Variants in BANP observed in about 807,000 individuals in gnomAD.
BANP encodes protein BANP.
In BANP, 11 loss-of-function variants were observed where a neutral mutation model predicts 68.1. That is an observed-to-expected ratio of 0.16 (90% CI 0.10 to 0.27). The LOEUF is 0.27. Among genes scored for constraint, BANP ranks in the 10% least tolerant of loss-of-function variants. The pLI is 1.00. For synonymous variants in BANP, 329 were observed against 303.2 expected, an observed-to-expected ratio of 1.09 and a Z score of -0.88; for missense variants, 504 against 722.7, an observed-to-expected ratio of 0.70 and a Z score of 3.47.
At chr16:87,998,670 A>G (rs1442288355) in intron 4 of BANP, among the ~76,000 whole-genome samples, 2 of 144,442 alleles carry the variant, frequency 1.4e-5, no homozygotes, top group Admixed American at 1.4e-4. Flanking sequence ...ATCTCCATGC[A>G]TGCACGTGCG....
intron 4 of BANP, among the ~76,000 whole-genome samples, chr16:87,997,080 C>G (rs572855709): frequency 6.6e-6 from 1 of 152,264 alleles, no homozygotes; most frequent in Non-Finnish European, 1.5e-5. Flanking sequence ...TGGAAGGCCA[C>G]TTTATAAGCT....
chr16:88,018,490 G>T lies in BANP; in HGVS notation c.718G>T (p.Ala240Ser). Residue 240 changes from alanine to serine, a missense_variant, in exon 7 of 14, where the codon GCC (alanine) becomes TCC (serine). Around this residue, in one of 3 missense-constraint regions of BANP, gnomAD observed 43 missense variants for 197.7 expected, o/e 0.22. Transcript: ENST00000682872. This position sits in a 1 kb window ranked among gnomAD's most constrained non-coding sequence, Gnocchi z 7.7. The part of the protein sequence containing the change: ...ENNPEMRVRC[A>S]IIPSDMLHIS... ...CAACCCCGAGATGCGGGTACGCTGC[G>T]CCATCATCCCCTCCGACATGCTGCA... 1 of 1,613,384 alleles carries T rather than the reference G, an allele frequency of 6.2e-7. No homozygotes were observed. Among genetic ancestry groups the T allele is most frequent in the Non-Finnish European group, 8.5e-7 (1 of 1,179,998 alleles).
At chr16:87,980,226 C>T (rs536188074) in intron 2 of BANP, among the ~76,000 whole-genome samples, 1 of 152,310 alleles carries the variant, frequency 6.6e-6, no homozygotes, top group Non-Finnish European at 1.5e-5. Context: ...CTATCTATAA[C>T]TGCAAATGTG....
chr16:88,038,259 A>T (rs1412742013), intron 11 of BANP, among the ~76,000 whole-genome samples: 1 of 152,140 alleles, frequency 6.6e-6, no homozygotes, highest in African/African-American at 2.4e-5. Context: ...CCTCTCACAT[A>T]CAGGCCATGG....
chr16:88,048,126 A>G (rs1016317245), intron 11 of BANP, among the ~76,000 whole-genome samples: 5 of 152,236 alleles, frequency 3.3e-5, no homozygotes, highest in Non-Finnish European at 5.9e-5. Context: ...CAATTTGGAC[A>G]CTGAAATATG....
chr16:87,963,002 T>G (rs1165421682), intron 1 of BANP, among the ~76,000 whole-genome samples: 1 of 152,224 alleles, frequency 6.6e-6, no homozygotes, highest in African/African-American at 2.4e-5. Context: ...ATGGAATGAT[T>G]AATTTCTTAG....
chr16:88,008,283 G>A (rs1015351528), intron 6 of BANP, among the ~76,000 whole-genome samples: 5 of 152,310 alleles, frequency 3.3e-5, no homozygotes, highest in Admixed American at 6.5e-5. Context: ...TGCTGTGAAC[G>A]TTGAGGTGCA....
chr16:88,074,219 C>G (rs879293334), intron 13 of BANP, among the ~76,000 whole-genome samples: 6 of 152,214 alleles, frequency 3.9e-5, no homozygotes, highest in Non-Finnish European at 7.3e-5. Flanking sequence ...GCCCCCACCC[C>G]AGTCATGCTT....
At position 88,053,822 on chromosome 16, in the gene BANP, C is replaced by T. The variant is rs147849948; in HGVS notation, c.1312-11445C>T. Among the ~76,000 whole-genome samples, 764 of 148,738 alleles carry T rather than the reference C, an allele frequency of 5.1e-3. 21 individuals are homozygous for T. The highest frequency in any genetic ancestry group is 0.018 in the African/African-American group (699 of 39,678). On this transcript the variant is annotated intron_variant, in intron 11 of 13. Transcript: ENST00000682872. The stretch of plus-strand genomic sequence containing the variant: ...ACCACCTCTACTATCTCCATCATCA[C>T]CAACACAACCACCTTAACAACCACT...
rs145808623 is a variant in BANP at position 88,004,984 on chromosome 16, G to A, written c.479+573G>A. Among the ~76,000 whole-genome samples the A allele has an allele frequency of 3.6e-3, 544 of 152,312 alleles. 1 individual carries two copies. Among genetic ancestry groups the A allele is most frequent in the African/African-American group, 0.012 (510 of 41,560 alleles). ...TGTCCCCAGGAGTGCCCCTGGGGCT[G>A]CGTGAACCCCTGAGGATGCTGTTGC... On this transcript the variant is annotated intron_variant, in intron 5 of 13. Transcript: ENST00000682872. The surrounding 1 kb of genome is among the most constrained non-coding windows in gnomAD (Gnocchi z 7.0).
chr16:88,027,723 A>T, intron 8 of BANP, 73 bp downstream of exon 8: 2 of 1,561,434 alleles, frequency 1.3e-6, no homozygotes, highest in Non-Finnish European at 1.7e-6. Flanking sequence ...CCTCAGGGGC[A>T]GCCAGTGCGT....
Position 88,042,223 on chromosome 16 carries a change from G to T in BANP, c.1311+4212G>T, listed in dbSNP as rs1367292415. ...AGCGGATGGTGCATCCCAAATGCGG[G>T]CAAGAAGTTTGGAAAGATTGGCAGA... On this transcript the variant is annotated intron_variant, in intron 11 of 13. Coordinates refer to ENST00000682872, the MANE Select transcript of BANP (RefSeq NM_001386991.1). Among the ~76,000 whole-genome samples, 3 of 152,258 alleles carry T rather than the reference G, an allele frequency of 2.0e-5. No homozygotes were observed. The East Asian group carries it at 5.8e-4, about 29-fold the overall frequency.
At chr16:87,962,850 G>A (rs926527885) in intron 1 of BANP, among the ~76,000 whole-genome samples, 10 of 152,172 alleles carry the variant, frequency 6.6e-5, no homozygotes, top group African/African-American at 2.2e-4. Flanking sequence ...TTCCACTTCA[G>A]ACTGATTTCG....
intron 4 of BANP, among the ~76,000 whole-genome samples, chr16:87,993,744 G>A (rs1474721280): frequency 2.6e-5 from 4 of 152,142 alleles, no homozygotes; most frequent in African/African-American, 4.8e-5. Flanking sequence ...ATTACAGGCC[G>A]TGCCACCACA....
chr16:88,002,713 T>G lies in BANP; in HGVS notation c.363-1582T>G, dbSNP rs1316858262. Reference sequence around the variant, plus strand: ...GATTTCCTTCACCTTAATAAGGATCTTCAAGGAAAAAAAAGGTATATTTGG... The same window carrying G: ...GATTTCCTTCACCTTAATAAGGATCGTCAAGGAAAAAAAAGGTATATTTGG... On this transcript the variant is annotated intron_variant, in intron 4 of 13. Coordinates refer to ENST00000682872, the MANE Select transcript of BANP (RefSeq NM_001386991.1). This position sits in a 1 kb window ranked among gnomAD's most constrained non-coding sequence, Gnocchi z 4.6. Among the ~76,000 whole-genome samples the G allele has an allele frequency of 6.6e-6, 1 of 152,084 alleles. No individual in the cohort carries two copies. Among genetic ancestry groups the G allele is most frequent in the Non-Finnish European group, 1.5e-5 (1 of 68,020 alleles).
intron 13 of BANP, among the ~76,000 whole-genome samples, chr16:88,074,035 G>T (rs1441840468): frequency 6.6e-6 from 1 of 152,226 alleles, no homozygotes; most frequent in African/African-American, 2.4e-5. Context: ...CCAGACAACT[G>T]CAGGGTGCGT....
chr16:88,026,982 AG>A (rs1294470331), intron 7 of BANP, among the ~76,000 whole-genome samples: 4 of 152,260 alleles, frequency 2.6e-5, no homozygotes, highest in Non-Finnish European at 5.9e-5. Flanking sequence ...GTGGTTATCC[AG>A]GGGGATGGTG....
Position 87,987,712 on chromosome 16 carries a change from C to CAAAAAAAAA in BANP, c.362+3472_362+3480dup, listed in dbSNP as rs66648819. 3.9e-3 allele frequency among the ~76,000 whole-genome samples: 117 copies of CAAAAAAAAA among 30,370 alleles called. 27 individuals are homozygous for CAAAAAAAAA. The highest frequency in any genetic ancestry group is 6.4e-3 in the African/African-American group (51 of 7,912). 19.9% of individuals were successfully genotyped at this position (30,370 alleles called of 152,430 possible). ...CTCCAGGCTGAGCGAGACCCTAACT[C>CAAAAAAAAA]AAAAAAAAAAAAAAAAAAAAAAAAA... is the stretch of plus-strand genomic sequence containing the variant. On this transcript the variant is annotated intron_variant, in intron 4 of 13. Transcript: ENST00000682872.
At chr16:88,058,730 A>C (rs201363112) in intron 11 of BANP, among the ~76,000 whole-genome samples, 2 of 83,484 alleles carry the variant, frequency 2.4e-5, no homozygotes, top group South Asian at 5.2e-4. Flanking sequence ...TGTAATTAAG[A>C]AGCAACTCGG....
Sources: allele counts gnomAD v4.1 joint callset (sites outside exome capture counted in the v4.1 genomes callset), GRCh38; gene constraint gnomAD v4.1.1; regional missense constraint gnomAD v4.1.1; non-coding constraint Gnocchi (gnomAD v3.1); transcripts MANE v1.5; gene names NCBI Gene and HGNC (gene_info 2026-07-23, HGNC 2026-07-21).